ZNF892: variants seen among roughly 807,000 people sequenced by gnomAD.
ZNF892 encodes the protein zinc finger protein 892.
At chr2:95,248,619 A>G in the ZNF892 span, among the ~76,000 whole-genome samples, 2 of 152,198 alleles carry the variant, frequency 1.3e-5, no homozygotes, top group Admixed American at 1.3e-4. Flanking sequence ...ATCTCTTATT[A>G]GGAATAGACC....
chr2:95,241,265 G>A, the ZNF892 span, among the ~76,000 whole-genome samples: 1 of 152,218 alleles, frequency 6.6e-6, no homozygotes, highest in Non-Finnish European at 1.5e-5. Context: ...ACCCCCCTGG[G>A]ATGGAGCTTC....
the ZNF892 span, among the ~76,000 whole-genome samples, chr2:95,239,692 A>G: frequency 2.0e-5 from 3 of 152,080 alleles, no homozygotes; most frequent in South Asian, 2.1e-4. Context: ...CGATAGTGCA[A>G]TCTTGGCTCA....
chr2:95,236,135 A>G, the ZNF892 span, among the ~76,000 whole-genome samples: 1 of 152,224 alleles, frequency 6.6e-6, no homozygotes, highest in Non-Finnish European at 1.5e-5. Flanking sequence ...CTGTCTGGTC[A>G]TATCTGAAAA....
At chr2:95,241,031 C>T in the ZNF892 span, among the ~76,000 whole-genome samples, 2 of 152,200 alleles carry the variant, frequency 1.3e-5, no homozygotes, top group Non-Finnish European at 2.9e-5. Context: ...AGGGGAGGGA[C>T]AGCTATCTCT....
At chr2:95,220,565 T>G in the ZNF892 span, among the ~76,000 whole-genome samples, 68 of 152,292 alleles carry the variant, frequency 4.5e-4, no homozygotes, top group Middle Eastern at 3.4e-3. Context: ...TTAGTTGTAG[T>G]TAGTGAGAGC....
At chr2:95,253,149 A>C in the ZNF892 span, among the ~76,000 whole-genome samples, 1 of 152,198 alleles carries the variant, frequency 6.6e-6, no homozygotes. Context: ...TTAGACATGA[A>C]GTCCTTGCCC....
the ZNF892 span, chr2:95,215,323 C>G: frequency 4.3e-6 from 2 of 469,918 alleles, no homozygotes; most frequent in Non-Finnish European, 7.6e-6. Flanking sequence ...AGTGACCGCT[C>G]AGCCCTTATT....
chr2:95,211,677 T>G, the ZNF892 span: 1 of 398,614 alleles, frequency 2.5e-6, no homozygotes, highest in East Asian at 3.6e-5. Context: ...TGAACTCTCC[T>G]CAGGGAGATG....
chr2:95,234,109 C>A, the ZNF892 span, among the ~76,000 whole-genome samples: 1 of 152,148 alleles, frequency 6.6e-6, no homozygotes, highest in African/African-American at 2.4e-5. Flanking sequence ...GCAACCTCCG[C>A]CTCCCAGGTT....
the ZNF892 span, among the ~76,000 whole-genome samples, chr2:95,207,176 G>A: frequency 6.6e-6 from 1 of 152,250 alleles, no homozygotes; most frequent in Non-Finnish European, 1.5e-5. Context: ...GCAGCAGCGA[G>A]GACACCGCCG....
the ZNF892 span, among the ~76,000 whole-genome samples, chr2:95,252,090 CTTTT>C: frequency 6.6e-6 from 1 of 152,166 alleles, no homozygotes; most frequent in African/African-American, 2.4e-5. Flanking sequence ...TACTTCTTTT[CTTTT>C]TTTATTATAC....
the ZNF892 span, chr2:95,208,832 A>G: frequency 7.6e-6 from 3 of 397,088 alleles, no homozygotes; most frequent in Admixed American, 8.8e-5. Context: ...TGATGCTTAG[A>G]CCACTGGGTT....
the ZNF892 span, among the ~76,000 whole-genome samples, chr2:95,250,788 A>G: frequency 2.1e-5 from 3 of 145,632 alleles, no homozygotes; most frequent in African/African-American, 7.4e-5. Context: ...TAAATTTATA[A>G]ATATAAAATA....
chr2:95,238,929 A>C, the ZNF892 span, among the ~76,000 whole-genome samples: 2 of 152,160 alleles, frequency 1.3e-5, no homozygotes, highest in African/African-American at 4.8e-5. Context: ...ACCTGAGCTC[A>C]GGAGTTCGAG....
chr2:95,223,142 T>C, the ZNF892 span, among the ~76,000 whole-genome samples: 1 of 152,236 alleles, frequency 6.6e-6, no homozygotes, highest in African/African-American at 2.4e-5. Context: ...TTGATTACTG[T>C]AGCTTTGTAG....
At chr2:95,206,425 AG>A in the ZNF892 span, among the ~76,000 whole-genome samples, 1 of 152,326 alleles carries the variant, frequency 6.6e-6, no homozygotes, top group East Asian at 1.9e-4. Flanking sequence ...TTCGGCCCCG[AG>A]GAAGGGAGTT....
the ZNF892 span, among the ~76,000 whole-genome samples, chr2:95,215,814 G>A: frequency 6.6e-6 from 1 of 152,228 alleles, no homozygotes; most frequent in African/African-American, 2.4e-5. Context: ...CCTCAGGAAA[G>A]AGGAAAATTA....
At chr2:95,236,100 C>T in the ZNF892 span, among the ~76,000 whole-genome samples, 19 of 152,282 alleles carry the variant, frequency 1.2e-4, no homozygotes, top group Admixed American at 9.8e-4. Context: ...ACTGATTCCA[C>T]GAAGTCACCT....
the ZNF892 span, chr2:95,214,339 G>A: frequency 2.5e-5 from 10 of 398,274 alleles, no homozygotes; most frequent in Non-Finnish European, 4.0e-5. Flanking sequence ...ATTTCAGACT[G>A]GGAAACAATA....
Sources: gnomAD v4.1 joint callset for allele counts (sites outside exome capture counted in the v4.1 genomes callset) on GRCh38, gnomAD v4.1.1 for gene constraint, MANE v1.5 for transcripts, NCBI Gene and HGNC (gene_info 2026-07-23, HGNC 2026-07-21) for gene names.